The following GALNT12 variants were observed in gnomAD, a reference collection of about 807,000 sequenced individuals.
GALNT12 encodes UDP-GalNAc:polypeptide N-acetylgalactosaminyltransferase 12.
A neutral mutation model predicts 55.5 loss-of-function variants in GALNT12; 45 were observed. The observed-to-expected ratio is 0.81, with a 90% CI of 0.64 to 1.04. The LOEUF (loss-of-function observed/expected upper bound fraction) is 1.04, where lower values mean the gene tolerates loss of function less well. GALNT12 is among the 50% of genes least tolerant of loss of function. The probability of loss-of-function intolerance (pLI) is 0.00; values close to 1 mark genes in which losing one functional copy is unlikely to be tolerated. For synonymous variants in GALNT12, 304 were observed against 312.2 expected (o/e 0.97, Z 0.28); for missense variants, 709 against 754.8 (o/e 0.94, Z 0.71).
At chr9:98,846,271 A>T in intron 9 of GALNT12, 148 bp downstream of exon 9, 1 of 1,030,978 alleles carries the variant, frequency 9.7e-7, no homozygotes, top group Non-Finnish European at 1.5e-6. Flanking sequence ...CTGGAACCTC[A>T]GTCCCAGTGA....
rs761220555 is a variant in GALNT12, at chr9:98,844,087, T to C, written c.1345-9T>C. The C allele has an allele frequency of 9.4e-6, 15 of 1,588,848 alleles. No individual in the cohort carries two copies. In the Admixed American group the frequency reaches 1.0e-4, roughly 11 times the overall value. On this transcript the variant is annotated splice_polypyrimidine_tract_variant and intron_variant, in intron 7 of 9. Transcript: ENST00000375011. Reference sequence around the variant, plus strand: ...CTGGACTGAAATGCCACATTTATGTTTTATTTAGCTCCAGAACAAAGGACT... The same window carrying C: ...CTGGACTGAAATGCCACATTTATGTCTTATTTAGCTCCAGAACAAAGGACT...
At chr9:98,817,708 C>T (rs1424275888) in intron 1 of GALNT12, among the ~76,000 whole-genome samples, 1 of 152,036 alleles carries the variant, frequency 6.6e-6, no homozygotes, top group Non-Finnish European at 1.5e-5. Flanking sequence ...GTGATCCACC[C>T]GCCTCAGCCT....
intron 7 of GALNT12, 53 bp from the exon 8 acceptor site, chr9:98,844,043 T>A (rs1341919189): frequency 2.4e-6 from 3 of 1,231,082 alleles, no homozygotes; most frequent in African/African-American, 3.0e-5. Flanking sequence ...TTGTGTGGCA[T>A]CTGTTAGTGT....
intron 1 of GALNT12, among the ~76,000 whole-genome samples, chr9:98,816,169 G>A (rs966890545): frequency 3.3e-5 from 5 of 151,990 alleles, no homozygotes; most frequent in African/African-American, 1.2e-4. Context: ...TTTACAACAA[G>A]CCTCCTTCAG....
chr9:98,816,391 A>AG (rs1835610670), intron 1 of GALNT12, among the ~76,000 whole-genome samples: 1 of 149,040 alleles, frequency 6.7e-6, no homozygotes, highest in Non-Finnish European at 1.5e-5. Flanking sequence ...TAAAAAAAGA[A>AG]AAAAAAAAAA....
intron 6 of GALNT12, among the ~76,000 whole-genome samples, chr9:98,838,841 A>T (rs1337085585): frequency 6.6e-6 from 1 of 152,240 alleles, no homozygotes; most frequent in African/African-American, 2.4e-5. Flanking sequence ...CTCATTTTAT[A>T]GATGAGAAAA....
chr9:98,823,301 T>A lies in GALNT12; in HGVS notation c.417T>A (p.Ser139=), dbSNP rs1835787178. 1.9e-6 allele frequency: 3 copies of A among 1,613,966 alleles called. No homozygotes were observed. The Admixed American group carries it at 5.0e-5, about 27-fold the overall frequency. The change falls in exon 2 of 10, where the codon TCT becomes TCA. Residue 139 remains serine, a synonymous_variant. Transcript: ENST00000375011. ...KYDYDNLPRT[S]VIIAFYNEAW... ...ATTATGATAATTTGCCCAGGACATC[T>A]GTTATCATAGCATTTTATAATGAAG...
chr9:98,815,413 G>T (rs558207876), intron 1 of GALNT12, among the ~76,000 whole-genome samples: 3 of 152,292 alleles, frequency 2.0e-5, no homozygotes, highest in African/African-American at 4.8e-5. Context: ...TGTTCAGTAG[G>T]TTAGGTGTAT....
chr9:98,820,561 GC>G (rs1286393922), intron 1 of GALNT12, among the ~76,000 whole-genome samples: 1 of 152,154 alleles, frequency 6.6e-6, no homozygotes, highest in African/African-American at 2.4e-5. Flanking sequence ...ATGAACATGC[GC>G]GTGCATGTAT....
intron 6 of GALNT12, among the ~76,000 whole-genome samples, chr9:98,838,554 C>G (rs535625392): frequency 6.6e-6 from 1 of 152,186 alleles, no homozygotes; most frequent in East Asian, 1.9e-4. Context: ...TTTTCTGGTC[C>G]GGATCCTTGC....
Position 98,826,873 on chromosome 9 carries a change from C to G in GALNT12, c.663C>G (p.Gly221=), listed in dbSNP as rs1477617229. The stretch of plus-strand genomic sequence containing the variant: ...TGCTGGGGGCGTCTGCGGCGAGGGG[C>G]GATGTTCTGACCTTCCTGGACTGTC... The part of the protein sequence containing the change: ...ARLLGASAAR[G]DVLTFLDCHC... Residue 221 remains glycine (G), a synonymous_variant, in exon 3 of 10, where the codon GGC becomes GGG. Coordinates refer to ENST00000375011, the MANE Select transcript of GALNT12 (RefSeq NM_024642.5). 6.3e-7 allele frequency: 1 copy of G among 1,597,340 alleles called. No homozygotes were observed. The highest frequency in any genetic ancestry group is 2.3e-5 in the East Asian group (1 of 44,180).
In GALNT12 at chr9:98,846,123, G is replaced by T. The variant is rs1443842231; in HGVS notation, c.1605G>T (p.Glu535Asp). The T allele has an allele frequency of 5.6e-6, 9 of 1,614,042 alleles. No individual in the cohort carries two copies. The highest frequency in any genetic ancestry group is 1.7e-5 in the Admixed American group (1 of 60,008). ...AGAATCAGAAGTTCATCTTGCAGGAGGTAGGTGAACTCTCTCCTTCCTTCC... is the reference window on the plus strand; with the variant it reads ...AGAATCAGAAGTTCATCTTGCAGGATGTAGGTGAACTCTCTCCTTCCTTCC... ...APENQKFILQEDGSLFHEQSK... is the reference protein window; with the variant it reads ...APENQKFILQDDGSLFHEQSK... Residue 535 changes from glutamate (E) to aspartate (D), a missense_variant and splice_region_variant, in exon 9 of 10, where the codon GAG becomes GAT. Coordinates refer to ENST00000375011, the MANE Select transcript of GALNT12 (RefSeq NM_024642.5).
rs749874941 is a variant in GALNT12, at chr9:98,849,049, A to C, written c.1703A>C (p.Asn568Thr). The C allele has an allele frequency of 6.2e-7, 1 of 1,614,192 alleles. No homozygotes were observed. The highest frequency in any genetic ancestry group is 8.5e-7 in the Non-Finnish European group (1 of 1,180,010). Residue 568 changes from asparagine to threonine, a missense_variant, in exon 10 of 10, where the codon AAC becomes ACC. This residue lies in a region of GALNT12 where 262 missense variants were observed against 310.7 expected (regional missense o/e 0.84). Transcript: ENST00000375011. ...SFVPLLRDCT[N>T]SDHQKWFFKE... ...GTTCCACTCTTACGAGACTGCACCA[A>C]CTCGGATCATCAGAAATGGTTCTTC... is the stretch of plus-strand genomic sequence containing the variant.
At chr9:98,831,432 T>G (rs1477621348) in intron 3 of GALNT12, among the ~76,000 whole-genome samples, 2 of 152,252 alleles carry the variant, frequency 1.3e-5, no homozygotes, top group Non-Finnish European at 2.9e-5. Flanking sequence ...TAAGTATTTC[T>G]TGATGTTAAG....
At chr9:98,814,913 G>A (rs571879729) in intron 1 of GALNT12, among the ~76,000 whole-genome samples, 12 of 152,284 alleles carry the variant, frequency 7.9e-5, no homozygotes, top group South Asian at 6.2e-4. Flanking sequence ...AGTACAAGGC[G>A]TGCTGAAAAT....
At chr9:98,810,381 C>T (rs1195486702) in intron 1 of GALNT12, among the ~76,000 whole-genome samples, 1 of 152,110 alleles carries the variant, frequency 6.6e-6, no homozygotes, top group Non-Finnish European at 1.5e-5. Context: ...ACTCGTTCCT[C>T]CCTTTTTGGG....
At chr9:98,821,701 C>A (rs1208462703) in intron 1 of GALNT12, among the ~76,000 whole-genome samples, 1 of 151,718 alleles carries the variant, frequency 6.6e-6, no homozygotes, top group East Asian at 1.9e-4. Context: ...GCTAAGGGCT[C>A]TTCCCTGACT....
chr9:98,848,027 TG>T (rs1208830011), intron 9 of GALNT12, among the ~76,000 whole-genome samples: 1 of 152,136 alleles, frequency 6.6e-6, no homozygotes, highest in African/African-American at 2.4e-5. Flanking sequence ...TTGGCCAGGC[TG>T]GTCTTGAGCT....
At chr9:98,829,245 G>A (rs929576381) in intron 3 of GALNT12, among the ~76,000 whole-genome samples, 1 of 151,912 alleles carries the variant, frequency 6.6e-6, no homozygotes, top group African/African-American at 2.4e-5. Context: ...CTAGAGTACA[G>A]TAGGGTGATC....
Sources: gnomAD v4.1 joint callset for allele counts (sites outside exome capture counted in the v4.1 genomes callset) on GRCh38, gnomAD v4.1.1 for gene constraint, gnomAD v4.1.1 regional missense constraint, MANE v1.5 for transcripts, NCBI Gene and HGNC (gene_info 2026-07-23, HGNC 2026-07-21) for gene names.